The following AVEN variants were observed in gnomAD, a reference collection of about 807,000 sequenced individuals.
AVEN encodes the protein cell death regulator Aven.
A neutral mutation model predicts 38.1 loss-of-function variants in AVEN; 41 were observed. The ratio of observed to expected loss-of-function variants is 1.08; its 90% CI spans 0.84 to 1.40. The LOEUF (loss-of-function observed/expected upper bound fraction) is 1.40. AVEN is among the 40% of genes most tolerant of loss of function. The pLI, the probability that AVEN is intolerant of heterozygous loss-of-function variation, is 0.00. For missense variants in AVEN, 605 were observed against 438.8 expected, an observed-to-expected ratio of 1.38 and a Z score of -3.38; for synonymous variants, 206 against 171.8, an observed-to-expected ratio of 1.20 and a Z score of -1.56.
chr15:33,875,268 T>G (rs1394111394), intron 3 of AVEN, among the ~76,000 whole-genome samples: 1 of 152,036 alleles, frequency 6.6e-6, no homozygotes, highest in African/African-American at 2.4e-5. Context: ...AGGCCTGGAG[T>G]TGGGGAGCAT....
chr15:34,057,199 T>G (rs1256983645), intron 5 of AVEN, among the ~76,000 whole-genome samples: 1 of 151,504 alleles, frequency 6.6e-6, no homozygotes, highest in African/African-American at 2.4e-5. Flanking sequence ...AGTCGCATGA[T>G]CTTGGCTCAC....
chr15:34,045,820 T>C (rs1343520715), intron 5 of AVEN, among the ~76,000 whole-genome samples: 1 of 152,262 alleles, frequency 6.6e-6, no homozygotes. Context: ...TTACCTTCTT[T>C]GATTTTTATG....
At chr15:33,872,891 C>T (rs1396323015) in intron 3 of AVEN, among the ~76,000 whole-genome samples, 1 of 151,954 alleles carries the variant, frequency 6.6e-6, no homozygotes, top group Non-Finnish European at 1.5e-5. Context: ...TGGAGGCCAA[C>T]ATAGCTAGAT....
At chr15:33,904,504 C>T (rs1840069943) in intron 2 of AVEN, among the ~76,000 whole-genome samples, 1 of 151,904 alleles carries the variant, frequency 6.6e-6, no homozygotes, top group Non-Finnish European at 1.5e-5. Context: ...CTCTGCCTCC[C>T]GGGTTCAAAC....
chr15:33,939,044 T>C (rs1211214039), intron 2 of AVEN, among the ~76,000 whole-genome samples: 3 of 152,220 alleles, frequency 2.0e-5, no homozygotes, highest in Non-Finnish European at 2.9e-5. Context: ...GGTTTCACCA[T>C]GTTGGCCAGG....
chr15:33,942,884 T>C (rs1894370517), intron 2 of AVEN, among the ~76,000 whole-genome samples: 1 of 152,244 alleles, frequency 6.6e-6, no homozygotes, highest in African/African-American at 2.4e-5. Flanking sequence ...AAATCATGAT[T>C]TATTTGGAGC....
chr15:33,966,759 T>C (rs1895402827), intron 2 of AVEN, among the ~76,000 whole-genome samples: 1 of 152,152 alleles, frequency 6.6e-6, no homozygotes, highest in Admixed American at 6.5e-5. Flanking sequence ...TGCTATTGTA[T>C]TCTTGGAAAA....
In AVEN at chr15:33,907,730, GA is replaced by G. The variant is rs574873173; in HGVS notation, c.446-31736del. 4.2e-3 allele frequency among the ~76,000 whole-genome samples: 614 copies of G among 147,320 alleles called. 5 individuals carry two copies. Among genetic ancestry groups the G allele is most frequent in the African/African-American group, 0.015 (592 of 39,900 alleles). ...TTTCTCTAAAGTCCTAATAAACCTT[GA>G]AAACAATAAAGCACTAGAAATACCC... On this transcript the variant is annotated intron_variant, in intron 2 of 5. Coordinates refer to ENST00000306730, the MANE Select transcript of AVEN (RefSeq NM_020371.3).
chr15:33,961,277 G>A (rs1895149065), intron 2 of AVEN, among the ~76,000 whole-genome samples: 4 of 152,086 alleles, frequency 2.6e-5, no homozygotes, highest in Admixed American at 2.6e-4. Flanking sequence ...CACACCTGCT[G>A]GGATTACAGG....
chr15:33,962,679 G>A (rs78776083), intron 2 of AVEN, among the ~76,000 whole-genome samples: 5,269 of 151,908 alleles, frequency 0.035, 289 homozygotes, highest in African/African-American at 0.11. Context: ...CATAATATCT[G>A]TCTGTCTATA....
At chr15:33,977,041 T>C (rs1895915809) in intron 2 of AVEN, among the ~76,000 whole-genome samples, 1 of 152,198 alleles carries the variant, frequency 6.6e-6, no homozygotes, top group South Asian at 2.1e-4. Context: ...CATGAATTAG[T>C]TATGGCAAGG....
intron 1 of AVEN, among the ~76,000 whole-genome samples, chr15:34,032,175 T>C (rs1320131810): frequency 6.6e-6 from 1 of 152,160 alleles, no homozygotes. Flanking sequence ...TACTTCAAAG[T>C]GCATCAAGAA....
intron 2 of AVEN, among the ~76,000 whole-genome samples, chr15:34,070,263 G>A (rs1900599685): frequency 6.6e-6 from 1 of 152,086 alleles, no homozygotes. Flanking sequence ...ACAAGACATG[G>A]GGATTATGGG....
At chr15:34,051,973 G>A (rs187753839) in intron 5 of AVEN, among the ~76,000 whole-genome samples, 2 of 152,204 alleles carry the variant, frequency 1.3e-5, no homozygotes, top group African/African-American at 4.8e-5. Flanking sequence ...TGAAAAGGAG[G>A]GACTCCTCCC....
chr15:34,000,510 T>C (rs1199880304), intron 2 of AVEN, among the ~76,000 whole-genome samples: 3 of 152,200 alleles, frequency 2.0e-5, no homozygotes, highest in Non-Finnish European at 4.4e-5. Flanking sequence ...TCTAGAAAAG[T>C]TTATGATTGC....
chr15:33,914,900 C>G (rs914307005), intron 2 of AVEN, among the ~76,000 whole-genome samples: 3 of 152,026 alleles, frequency 2.0e-5, no homozygotes, highest in African/African-American at 7.3e-5. Context: ...ATGCTCACAC[C>G]TAGAACCTGT....
chr15:33,903,467 T>C (rs867655288), intron 2 of AVEN, among the ~76,000 whole-genome samples: 3 of 152,224 alleles, frequency 2.0e-5, no homozygotes, highest in Admixed American at 6.5e-5. Flanking sequence ...ATTCCTTCTC[T>C]GCTTAAATTT....
intron 11 of AVEN, chr15:33,859,545 G>C (rs866639481): frequency 1.2e-6 from 2 of 1,612,690 alleles, no homozygotes. Context: ...TGTGACTTTT[G>C]CCTAAATCCC....
chr15:33,973,560 C>T (rs1015803668), intron 2 of AVEN, among the ~76,000 whole-genome samples: 1 of 152,064 alleles, frequency 6.6e-6, no homozygotes, highest in Admixed American at 6.6e-5. Context: ...CCATTGAAAA[C>T]CTATTTATGG....
Sources: gnomAD v4.1 joint callset for allele counts (sites outside exome capture counted in the v4.1 genomes callset) on GRCh38, gnomAD v4.1.1 for gene constraint, MANE v1.5 for transcripts, NCBI Gene and HGNC (gene_info 2026-07-23, HGNC 2026-07-21) for gene names.